The following HHAT variants were observed in gnomAD, a reference collection of about 807,000 sequenced individuals.
HHAT encodes the protein protein-cysteine N-palmitoyltransferase HHAT.
Under a neutral mutation model 70.8 loss-of-function variants are expected in HHAT, and 47 were observed. The observed-to-expected ratio is 0.66, with a 90% CI of 0.53 to 0.85. HHAT has a LOEUF of 0.85. Ranked by LOEUF, HHAT falls within the 40% of genes least tolerant of loss-of-function variation. The pLI is 0.00. For synonymous variants in HHAT, 228 were observed against 247.6 expected (o/e 0.92, Z 0.74); for missense variants, 609 against 604.8 (o/e 1.01, Z -0.07).
chr1:210,479,307 A>G (rs558122729), intron 8 of HHAT, among the ~76,000 whole-genome samples: 5 of 152,296 alleles, frequency 3.3e-5, no homozygotes, highest in East Asian at 3.9e-4. Flanking sequence ...TGGGCCAACC[A>G]TTGACAAATG....
chr1:210,669,386 G>T (rs1185038967), intron 11 of HHAT, among the ~76,000 whole-genome samples: 6 of 130,368 alleles, frequency 4.6e-5, no homozygotes, highest in Non-Finnish European at 9.2e-5. Context: ...TTTCTCATTA[G>T]CTGTAGTTAT....
At chr1:210,420,164 T>C (rs1048599477) in intron 7 of HHAT, among the ~76,000 whole-genome samples, 2 of 152,212 alleles carry the variant, frequency 1.3e-5, no homozygotes, top group Admixed American at 6.5e-5. Flanking sequence ...CTTTTCTTCT[T>C]TTTCTTTGTA....
chr1:210,579,614 G>A (rs1444020826), intron 9 of HHAT, among the ~76,000 whole-genome samples: 2 of 152,200 alleles, frequency 1.3e-5, no homozygotes, highest in African/African-American at 4.8e-5. Flanking sequence ...TGCATACTAA[G>A]TATGTATACT....
intron 8 of HHAT, among the ~76,000 whole-genome samples, chr1:210,509,037 C>A (rs1319522235): frequency 6.6e-6 from 1 of 152,160 alleles, no homozygotes; most frequent in Non-Finnish European, 1.5e-5. Flanking sequence ...AGGACACTTT[C>A]CTATGTACTA....
At chr1:210,391,436 C>G (rs1320083383) in intron 4 of HHAT, among the ~76,000 whole-genome samples, 2 of 151,894 alleles carry the variant, frequency 1.3e-5, no homozygotes, top group African/African-American at 2.4e-5. Flanking sequence ...TTTAACTACG[C>G]TAAAATTAAA....
intron 9 of HHAT, among the ~76,000 whole-genome samples, chr1:210,578,038 G>A (rs1313144817): frequency 6.6e-6 from 1 of 152,086 alleles, no homozygotes; most frequent in Non-Finnish European, 1.5e-5. Flanking sequence ...TTTTTCTTCA[G>A]TTCTTTTGAT....
At chr1:210,667,350 C>G (rs890414711) in intron 11 of HHAT, among the ~76,000 whole-genome samples, 17 of 151,932 alleles carry the variant, frequency 1.1e-4, no homozygotes, top group Admixed American at 2.0e-4. Context: ...CCATTGCACT[C>G]CAGCCTGGGC....
intron 11 of HHAT, among the ~76,000 whole-genome samples, chr1:210,641,100 T>C (rs1204050305): frequency 6.6e-6 from 1 of 152,238 alleles, no homozygotes; most frequent in Non-Finnish European, 1.5e-5. Context: ...TACTGAATAC[T>C]GTATGAAAAG....
chr1:210,497,213 A>G (rs1387887754), intron 8 of HHAT, among the ~76,000 whole-genome samples: 2 of 152,222 alleles, frequency 1.3e-5, no homozygotes, highest in African/African-American at 4.8e-5. Context: ...ATCTTGTAGA[A>G]TAATTACAGA....
chr1:210,672,781 T>C (rs1472529479), intron 11 of HHAT, among the ~76,000 whole-genome samples: 1 of 152,216 alleles, frequency 6.6e-6, no homozygotes, highest in Non-Finnish European at 1.5e-5. Flanking sequence ...GAACATCAGA[T>C]ATTCTAAGAC....
intron 11 of HHAT, among the ~76,000 whole-genome samples, chr1:210,656,907 A>G (rs538218634): frequency 6.6e-6 from 1 of 152,288 alleles, no homozygotes; most frequent in Admixed American, 6.5e-5. Flanking sequence ...CTGCTGGGGT[A>G]GATGTGGACA....
intron 9 of HHAT, among the ~76,000 whole-genome samples, chr1:210,553,697 C>T (rs904680453): frequency 1.3e-5 from 2 of 152,152 alleles, no homozygotes; most frequent in Non-Finnish European, 2.9e-5. Context: ...GTGAGCTTCC[C>T]AAATCATTTA....
intron 7 of HHAT, among the ~76,000 whole-genome samples, chr1:210,419,656 A>G (rs547322194): frequency 2.4e-4 from 36 of 152,336 alleles, no homozygotes; most frequent in African/African-American, 6.0e-4. Flanking sequence ...TGTTCTTGGT[A>G]TCACACGTAC....
chr1:210,478,836 G>T (rs980870236), intron 8 of HHAT, among the ~76,000 whole-genome samples: 1 of 152,142 alleles, frequency 6.6e-6, no homozygotes, highest in Non-Finnish European at 1.5e-5. Context: ...GGAACTGTTG[G>T]CCCCGAGGAA....
At chr1:210,430,607 G>A (rs1019200397) in intron 7 of HHAT, among the ~76,000 whole-genome samples, 7 of 151,802 alleles carry the variant, frequency 4.6e-5, no homozygotes, top group Non-Finnish European at 8.8e-5. Flanking sequence ...ACTATGAGTA[G>A]TTTCAAAATT....
At chr1:210,411,303 C>T (rs1446669308) in intron 6 of HHAT, among the ~76,000 whole-genome samples, 2 of 152,176 alleles carry the variant, frequency 1.3e-5, no homozygotes, top group African/African-American at 4.8e-5. Context: ...CTTCAGGGAA[C>T]CTGAGCTTTG....
At chr1:210,600,124 T>A (rs971712138) in intron 10 of HHAT, among the ~76,000 whole-genome samples, 2 of 152,184 alleles carry the variant, frequency 1.3e-5, no homozygotes, top group Non-Finnish European at 2.9e-5. Context: ...TTATTTTGGG[T>A]ACCTTGTATA....
rs754911720 is a variant in HHAT at position 210,513,102 on chromosome 1, T to G, written c.1008-51T>G. The G allele has an allele frequency of 6.6e-6, 7 of 1,062,646 alleles. No homozygotes were observed. In the Admixed American group the frequency reaches 9.5e-5, roughly 14 times the overall value. 65.8% of individuals were successfully genotyped at this position (1,062,646 alleles called of 1,614,324 possible). On this transcript the variant is annotated intron_variant, in intron 8 of 11. Transcript: ENST00000261458. Reference sequence around the variant, plus strand: ...ATAAATATAGTTGTCTAGTCTACCATTACTATAAATATCTTTTATTGATAT... The same window carrying G: ...ATAAATATAGTTGTCTAGTCTACCAGTACTATAAATATCTTTTATTGATAT...
intron 10 of HHAT, among the ~76,000 whole-genome samples, chr1:210,611,419 T>C (rs529258189): frequency 4.6e-5 from 7 of 152,132 alleles, no homozygotes; most frequent in Non-Finnish European, 1.0e-4. Flanking sequence ...GCTGAGATGA[T>C]GGGGTTTTCT....
Sources: gnomAD v4.1 joint callset for allele counts (sites outside exome capture counted in the v4.1 genomes callset) on GRCh38, gnomAD v4.1.1 for gene constraint, MANE v1.5 for transcripts, NCBI Gene and HGNC (gene_info 2026-07-23, HGNC 2026-07-21) for gene names.